The following ZNF117 variants were observed in gnomAD, a reference collection of about 807,000 sequenced individuals.
ZNF117 encodes zinc finger protein 117.
A neutral mutation model predicts 41.2 loss-of-function variants in ZNF117; 37 were observed. The ratio of observed to expected loss-of-function variants is 0.90; its 90% confidence interval spans 0.69 to 1.18. ZNF117 has a LOEUF of 1.18. Among genes scored for constraint, ZNF117 ranks in the 50% most tolerant of loss-of-function variants. The pLI is 0.00. For synonymous variants in ZNF117, 186 were observed against 186.6 expected, an observed-to-expected ratio of 1.00 and a Z score of 0.02; for missense variants, 546 against 557.5, an observed-to-expected ratio of 0.98 and a Z score of 0.21.
chr7:64,974,995 T>C (rs912900629), exon 3 of ZNF117: 1 of 134,404 alleles, frequency 7.4e-6, no homozygotes, highest in Non-Finnish European at 1.8e-5. Context: ...AAAATATGTT[T>C]AAATAAGAAA....
intron 1 of ZNF117, among the ~76,000 whole-genome samples, chr7:64,988,341 A>C (rs1468509204): frequency 2.0e-5 from 3 of 152,158 alleles, no homozygotes; most frequent in Non-Finnish European, 4.4e-5. Context: ...AAAAACAAAA[A>C]TAAGGATAAA....
chr7:64,976,855 T>A, exon 3 of ZNF117: 2 of 446,782 alleles, frequency 4.5e-6, no homozygotes, highest in South Asian at 3.2e-5. Context: ...TTAGTAAAGT[T>A]TGAGATTTAG....
upstream of ZNF117, among the ~76,000 whole-genome samples, chr7:64,985,513 G>A (rs1216362157): frequency 6.6e-6 from 1 of 152,096 alleles, no homozygotes; most frequent in Non-Finnish European, 1.5e-5. Flanking sequence ...ATAAATCTTT[G>A]CCAAAGCAAT....
Position 64,981,491 on chromosome 7 carries a change from T to C in ZNF117, c.-62-9A>G, listed in dbSNP as rs1786032980. The C allele has an allele frequency of 1.9e-6, 3 of 1,563,904 alleles. No individual in the cohort carries two copies. Among genetic ancestry groups the C allele is most frequent in the South Asian group, 1.1e-5 (1 of 89,736 alleles). On this transcript the variant is annotated splice_polypyrimidine_tract_variant and intron_variant, in intron 1 of 2. Coordinates refer to ENST00000620222, the Ensembl canonical transcript of ZNF117. ...CTTAGAGACAGCAATACCTGTTTTA[T>C]TGAAAATAAATAACATAAATCTTGC...
chr7:64,980,542 A>G (rs920948455), intron 2 of ZNF117: 6 of 151,438 alleles, frequency 4.0e-5, no homozygotes, highest in Admixed American at 1.3e-4. Flanking sequence ...CTGAAAAATT[A>G]TAAGAAAAAC....
At chr7:64,991,028 C>T in exon 1 of ZNF117, 3 of 501,960 alleles carry the variant, frequency 6.0e-6, no homozygotes, top group Non-Finnish European at 1.1e-5. Context: ...TTAGTTAGGG[C>T]CATTAGTCGT....
intron 2 of ZNF117, 108 bp from the exon 4 acceptor site, chr7:64,979,644 G>A: frequency 1.2e-6 from 1 of 822,748 alleles, no homozygotes; most frequent in Non-Finnish European, 1.7e-6. Flanking sequence ...AGATGGCATA[G>A]CAAAATACCA....
chr7:64,987,044 A>C (rs1302374592), upstream of ZNF117, among the ~76,000 whole-genome samples: 2 of 152,180 alleles, frequency 1.3e-5, no homozygotes, highest in African/African-American at 4.8e-5. Context: ...CCACACAATC[A>C]GAAATAAAAC....
At chr7:64,981,035 A>AT (rs1055535508) in intron 2 of ZNF117, 1 of 241,960 alleles carries the variant, frequency 4.1e-6, no homozygotes, top group African/African-American at 2.3e-5. Context: ...CAAAAAGAGA[A>AT]TTTAAAAAAC....
At chr7:64,978,002 A>G in exon 3 of ZNF117, 1 of 1,304,604 alleles carries the variant, frequency 7.7e-7, no homozygotes, top group Non-Finnish European at 1.1e-6. Context: ...TCTCTCCAGT[A>G]TGAATCATCT....
At chr7:64,979,090 C>T (rs755058866) in exon 3 of ZNF117, 1 of 1,612,884 alleles carries the variant, frequency 6.2e-7, no homozygotes, top group East Asian at 2.2e-5. Flanking sequence ...GGTTTTTCTC[C>T]AGTATGAATT....
At position 64,979,505 on chromosome 7, in the gene ZNF117, C is replaced by A; in HGVS notation, c.66G>T (p.Trp22Cys). 3 of 1,528,272 alleles carry A rather than the reference C, an allele frequency of 2.0e-6. No individual in the cohort carries two copies. In the South Asian group the frequency reaches 3.9e-5, roughly 20 times the overall value. The allele number at this position is 1,528,272 out of a possible 1,614,324, so 94.7% of individuals were successfully genotyped here. The change falls in exon 3 of 3, where the codon TGG becomes TGT. Residue 22 changes from tryptophan to cysteine, a missense_variant. Trp to Cys is a radical substitution (Grantham distance 215). Transcript: ENST00000620222. ...AAGAATCTCTTATGTTCTGCTCTGG[C>A]CAAAGGTGTTGGGCAAAATAATAAA...
chr7:64,979,376 A>G (rs765844241), exon 3 of ZNF117: 9 of 1,606,628 alleles, frequency 5.6e-6, no homozygotes, highest in Non-Finnish European at 5.9e-6. Flanking sequence ...GTCCACTATA[A>G]TCTCCTTTGT....
At chr7:64,975,514 C>A (rs1447003938) in exon 3 of ZNF117, 1 of 151,982 alleles carries the variant, frequency 6.6e-6, no homozygotes, top group Admixed American at 6.6e-5. Context: ...AAAAATATTG[C>A]CCACCTAACA....
At chr7:64,973,463 A>G (rs192399684), downstream of ZNF117, 1 of 152,018 alleles carries the variant, frequency 6.6e-6, no homozygotes, top group Non-Finnish European at 1.5e-5. Flanking sequence ...TAAAAATTTA[A>G]TAAGTTTTTC....
At chr7:64,978,851 C>T (rs748524808) in exon 3 of ZNF117, 2 of 1,613,604 alleles carry the variant, frequency 1.2e-6, no homozygotes, top group South Asian at 2.2e-5. Context: ...TATGAATTAA[C>T]TTATGTTCAG....
At chr7:64,988,082 A>G (rs1437453511) in intron 1 of ZNF117, among the ~76,000 whole-genome samples, 1 of 151,846 alleles carries the variant, frequency 6.6e-6, no homozygotes, top group Non-Finnish European at 1.5e-5. Flanking sequence ...TGAGAAAAAA[A>G]CACTCCCCTT....
chr7:64,989,482 T>C (rs1786211659), intron 1 of ZNF117, among the ~76,000 whole-genome samples: 1 of 71,610 alleles, frequency 1.4e-5, no homozygotes, highest in Non-Finnish European at 3.0e-5. Context: ...TATATATATA[T>C]ATATATATAT....
exon 3 of ZNF117, chr7:64,978,124 T>C (rs1554397162): frequency 1.2e-6 from 2 of 1,608,366 alleles, no homozygotes; most frequent in Non-Finnish European, 8.5e-7. Flanking sequence ...GAGGATCAGG[T>C]AGAAGCTTTG....
Sources: gnomAD v4.1 joint callset for allele counts (sites outside exome capture counted in the v4.1 genomes callset) on GRCh38, gnomAD v4.1.1 for gene constraint, MANE v1.5 for transcripts, NCBI Gene and HGNC (gene_info 2026-07-23, HGNC 2026-07-21) for gene names.